Variants in CNTN3 observed in about 807,000 individuals in gnomAD.
CNTN3 encodes contactin-3.
A neutral mutation model predicts 119.1 loss-of-function variants in CNTN3; 60 were observed. The ratio of observed to expected loss-of-function variants is 0.50; its 90% CI spans 0.41 to 0.62. CNTN3 has a LOEUF of 0.62. Among genes scored for constraint, CNTN3 ranks in the 20% least tolerant of loss-of-function variants. The pLI is 0.00. For missense variants in CNTN3, 1,101 were observed against 1,242.4 expected (o/e 0.89, Z 1.71); for synonymous variants, 450 against 438.7 (o/e 1.03, Z -0.32).
intron 1 of CNTN3, among the ~76,000 whole-genome samples, chr3:74,593,793 A>G (rs1160143601): frequency 6.6e-6 from 1 of 151,986 alleles, no homozygotes; most frequent in African/African-American, 2.4e-5. Flanking sequence ...GCATCTGCTA[A>G]GAGGAAGCCC....
chr3:74,515,102 T>C (rs1027568498), intron 2 of CNTN3, among the ~76,000 whole-genome samples: 3 of 152,066 alleles, frequency 2.0e-5, no homozygotes, highest in Non-Finnish European at 2.9e-5. Flanking sequence ...AAAAGTCCTC[T>C]AGTTAATAGA....
chr3:74,470,450 T>G (rs1702539104), intron 4 of CNTN3, among the ~76,000 whole-genome samples: 1 of 152,144 alleles, frequency 6.6e-6, no homozygotes, highest in Non-Finnish European at 1.5e-5. Flanking sequence ...ATACAGTGCC[T>G]GTGTAGGAAT....
At chr3:74,270,804 C>T (rs554025383) in intron 20 of CNTN3, among the ~76,000 whole-genome samples, 9 of 152,170 alleles carry the variant, frequency 5.9e-5, no homozygotes, top group East Asian at 5.8e-4. Context: ...TTTTGGAAAT[C>T]GTTTGTCAAC....
At chr3:74,536,082 T>A (rs1703761160) in intron 1 of CNTN3, among the ~76,000 whole-genome samples, 1 of 152,100 alleles carries the variant, frequency 6.6e-6, no homozygotes, top group Non-Finnish European at 1.5e-5. Flanking sequence ...ACAGGACGCA[T>A]CTCTTTCACT....
At chr3:74,397,503 T>C (rs985677236) in intron 5 of CNTN3, among the ~76,000 whole-genome samples, 1 of 54,440 alleles carries the variant, frequency 1.8e-5, no homozygotes, top group Non-Finnish European at 3.4e-5. Flanking sequence ...CTTTGCCAAC[T>C]GGTGTTCTCT....
At chr3:74,519,694 T>G (rs770699303) in intron 2 of CNTN3, among the ~76,000 whole-genome samples, 12 of 151,724 alleles carry the variant, frequency 7.9e-5, no homozygotes, top group Admixed American at 2.6e-4. Context: ...AAGAAAAGAC[T>G]CCAAGAATAA....
intron 1 of CNTN3, among the ~76,000 whole-genome samples, chr3:74,524,007 C>T (rs544268743): frequency 6.6e-6 from 1 of 151,940 alleles, no homozygotes; most frequent in African/African-American, 2.4e-5. Flanking sequence ...TTGCACCGGA[C>T]ATCAAGTGAG....
At chr3:74,389,665 T>C (rs561357869) in intron 5 of CNTN3, among the ~76,000 whole-genome samples, 61 of 152,242 alleles carry the variant, frequency 4.0e-4, no homozygotes, top group Non-Finnish European at 5.9e-4. Context: ...GATGAGAGCA[T>C]TGAGGCCCAT....
At chr3:74,400,511 G>A (rs556358662) in intron 5 of CNTN3, among the ~76,000 whole-genome samples, 1 of 152,234 alleles carries the variant, frequency 6.6e-6, no homozygotes, top group Admixed American at 6.5e-5. Context: ...ATTTGAGAAA[G>A]GTGTATTTCA....
intron 13 of CNTN3, among the ~76,000 whole-genome samples, chr3:74,307,270 C>A (rs1575712816): frequency 6.6e-6 from 1 of 152,134 alleles, no homozygotes; most frequent in East Asian, 1.9e-4. Flanking sequence ...ACTTCAAGTT[C>A]ATATTTACAT....
intron 1 of CNTN3, among the ~76,000 whole-genome samples, chr3:74,549,124 G>A (rs905552185): frequency 1.3e-5 from 2 of 152,140 alleles, no homozygotes; most frequent in Non-Finnish European, 2.9e-5. Flanking sequence ...TCTGGTGGAC[G>A]GTGATTGGAT....
intron 1 of CNTN3, among the ~76,000 whole-genome samples, chr3:74,536,424 G>T (rs1002704232): frequency 2.0e-5 from 3 of 152,126 alleles, no homozygotes; most frequent in African/African-American, 7.2e-5. Context: ...GAAACTGAGA[G>T]TTGACACATT....
intron 12 of CNTN3, 94 bp downstream of exon 12, chr3:74,336,437 T>C: frequency 7.6e-7 from 1 of 1,317,996 alleles, no homozygotes; most frequent in Non-Finnish European, 1.1e-6. Flanking sequence ...CTTCATAGTG[T>C]ACTGAACATT....
intron 2 of CNTN3, among the ~76,000 whole-genome samples, chr3:74,510,522 T>A (rs900102345): frequency 2.4e-4 from 37 of 152,048 alleles, no homozygotes; most frequent in African/African-American, 8.7e-4. Context: ...AACCTCAGAG[T>A]GCTGAACTAA....
At chr3:74,548,333 T>G (rs1559653471) in intron 1 of CNTN3, among the ~76,000 whole-genome samples, 1 of 152,170 alleles carries the variant, frequency 6.6e-6, no homozygotes, top group Non-Finnish European at 1.5e-5. Flanking sequence ...TTTTGATAGT[T>G]TTTGGTAAAT....
intron 13 of CNTN3, among the ~76,000 whole-genome samples, chr3:74,308,746 G>A (rs975025031): frequency 1.3e-5 from 2 of 151,898 alleles, no homozygotes; most frequent in African/African-American, 4.8e-5. Context: ...TTAGAGTCAC[G>A]TCTTCACAAT....
At chr3:74,539,015 A>C (rs531851992) in intron 1 of CNTN3, among the ~76,000 whole-genome samples, 10 of 152,244 alleles carry the variant, frequency 6.6e-5, no homozygotes, top group African/African-American at 1.9e-4. Context: ...TTGATTTTTC[A>C]CCTTAAAAAG....
chr3:74,374,796 T>G (rs922722997), intron 5 of CNTN3, among the ~76,000 whole-genome samples: 1 of 152,174 alleles, frequency 6.6e-6, no homozygotes, highest in African/African-American at 2.4e-5. Flanking sequence ...TTCTGCTTTG[T>G]AGAAGTTAGG....
chr3:74,483,122 A>C (rs1702792070), intron 4 of CNTN3, among the ~76,000 whole-genome samples: 1 of 152,136 alleles, frequency 6.6e-6, no homozygotes, highest in Non-Finnish European at 1.5e-5. Context: ...AGAACAAAAC[A>C]AAAAATATAA....
Sources: gnomAD v4.1 joint callset for allele counts (sites outside exome capture counted in the v4.1 genomes callset) on GRCh38, gnomAD v4.1.1 for gene constraint, MANE v1.5 for transcripts, NCBI Gene and HGNC (gene_info 2026-07-23, HGNC 2026-07-21) for gene names.